ROBO1: variants seen among roughly 807,000 people sequenced by gnomAD.
ROBO1 encodes roundabout homolog 1.
ROBO1 carries 149 observed loss-of-function variants against 195.9 expected under a neutral mutation model. That is an observed-to-expected ratio of 0.76 (90% CI 0.67 to 0.87). The LOEUF (loss-of-function observed/expected upper bound fraction) is 0.87. ROBO1 is among the 40% of genes least tolerant of loss of function. The pLI is 0.00. For missense variants in ROBO1, 1,933 were observed against 2,068.3 expected, an observed-to-expected ratio of 0.93 and a Z score of 1.27; for synonymous variants, 816 against 733.2, an observed-to-expected ratio of 1.11 and a Z score of -1.82.
intron 10 of ROBO1, among the ~76,000 whole-genome samples, chr3:78,679,162 G>C (rs2080821725): frequency 6.6e-6 from 1 of 151,976 alleles, no homozygotes; most frequent in African/African-American, 2.4e-5. Flanking sequence ...ATTAGGTATT[G>C]ATGGGACGTA....
At chr3:79,495,541 A>C (rs1050469512) in intron 2 of ROBO1, among the ~76,000 whole-genome samples, 9 of 152,206 alleles carry the variant, frequency 5.9e-5, no homozygotes, top group Non-Finnish European at 1.3e-4. Flanking sequence ...GGAAAGTCTT[A>C]AACTTTGACA....
chr3:79,199,775 T>A (rs912934665), intron 2 of ROBO1, among the ~76,000 whole-genome samples: 1 of 151,542 alleles, frequency 6.6e-6, no homozygotes, highest in Non-Finnish European at 1.5e-5. Context: ...CGTAGTACAT[T>A]ATTGTCACAA....
At chr3:79,453,496 C>T (rs2039514758) in intron 2 of ROBO1, among the ~76,000 whole-genome samples, 1 of 152,004 alleles carries the variant, frequency 6.6e-6, no homozygotes. Context: ...ATAGCTCTAA[C>T]TTAGGCATTT....
At chr3:78,868,439 G>C (rs2035318051) in intron 4 of ROBO1, among the ~76,000 whole-genome samples, 1 of 151,802 alleles carries the variant, frequency 6.6e-6, no homozygotes, top group African/African-American at 2.4e-5. Flanking sequence ...AATAATAACA[G>C]AAATAAATTT....
At chr3:79,496,399 C>T (rs1159313118) in intron 2 of ROBO1, among the ~76,000 whole-genome samples, 2 of 27,340 alleles carry the variant, frequency 7.3e-5, no homozygotes, top group African/African-American at 3.8e-4. Flanking sequence ...TTTTTTGAGA[C>T]GGAGTCTCGC....
chr3:78,646,632 T>C (rs1218749133), intron 20 of ROBO1, among the ~76,000 whole-genome samples: 5 of 151,156 alleles, frequency 3.3e-5, no homozygotes, highest in Non-Finnish European at 5.9e-5. Flanking sequence ...ACTAGATTAT[T>C]TTCCCGGAAG....
At chr3:79,339,137 A>G (rs1170045462) in intron 2 of ROBO1, among the ~76,000 whole-genome samples, 1 of 152,184 alleles carries the variant, frequency 6.6e-6, no homozygotes, top group Non-Finnish European at 1.5e-5. Context: ...CCCAGATCTG[A>G]GCCACCATCT....
chr3:79,684,346 C>T (rs969340647), intron 1 of ROBO1, among the ~76,000 whole-genome samples: 4 of 151,974 alleles, frequency 2.6e-5, no homozygotes, highest in South Asian at 2.1e-4. Flanking sequence ...ACATAAATAA[C>T]TTTCAGTTAT....
chr3:79,180,196 T>C (rs555340846), intron 2 of ROBO1, among the ~76,000 whole-genome samples: 3 of 152,284 alleles, frequency 2.0e-5, no homozygotes, highest in South Asian at 4.1e-4. Context: ...GCATACAAGG[T>C]CGTTGTATCT....
intron 4 of ROBO1, among the ~76,000 whole-genome samples, chr3:78,804,554 CT>C (rs1015913346): frequency 2.6e-5 from 4 of 151,994 alleles, no homozygotes; most frequent in African/African-American, 9.7e-5. Context: ...ATTAAACTCA[CT>C]GCACCTCTCA....
intron 3 of ROBO1, among the ~76,000 whole-genome samples, chr3:79,090,677 A>G (rs1297738300): frequency 6.6e-6 from 1 of 151,862 alleles, no homozygotes; most frequent in African/African-American, 2.4e-5. Context: ...CTATACCTCT[A>G]TTTTCTTATC....
intron 2 of ROBO1, among the ~76,000 whole-genome samples, chr3:79,488,397 C>T (rs1939272832): frequency 6.6e-6 from 1 of 152,044 alleles, no homozygotes. Context: ...GCTTATTGCT[C>T]AGGCTAACTT....
At chr3:78,958,328 C>T (rs2041150107) in intron 3 of ROBO1, among the ~76,000 whole-genome samples, 1 of 152,072 alleles carries the variant, frequency 6.6e-6, no homozygotes, top group South Asian at 2.1e-4. Flanking sequence ...CCTTAAAGGG[C>T]TTTGAACTAA....
At chr3:78,889,239 T>C (rs1006030702) in intron 4 of ROBO1, among the ~76,000 whole-genome samples, 1 of 152,216 alleles carries the variant, frequency 6.6e-6, no homozygotes, top group African/African-American at 2.4e-5. Flanking sequence ...CCAATATATG[T>C]TCATACATGT....
At chr3:78,891,460 T>C (rs915899752) in intron 4 of ROBO1, among the ~76,000 whole-genome samples, 1 of 152,166 alleles carries the variant, frequency 6.6e-6, no homozygotes, top group Non-Finnish European at 1.5e-5. Context: ...GATGACACCA[T>C]GGATGGCAAA....
chr3:79,054,264 C>T (rs1283200626), intron 3 of ROBO1, among the ~76,000 whole-genome samples: 5 of 152,234 alleles, frequency 3.3e-5, no homozygotes, highest in South Asian at 4.2e-4. Context: ...GGATAAATTA[C>T]GTGCCCCAGG....
chr3:79,723,547 T>A lies in ROBO1; in HGVS notation c.-51+44205A>T, dbSNP rs541294839. 2.0e-5 allele frequency among the ~76,000 whole-genome samples: 3 copies of A among 152,302 alleles called. No individual in the cohort carries two copies. In the South Asian group the frequency reaches 6.2e-4, roughly 32 times the overall value. ...CTCCCTAAAATCATGTTTTCCCAAC[T>A]TAAGAAGATTGGACATATTATGCTT... is the stretch of plus-strand genomic sequence containing the variant. On this transcript the variant is annotated intron_variant, in intron 1 of 30. Transcript: ENST00000464233.
At chr3:79,010,155 A>T (rs2108204578) in intron 3 of ROBO1, among the ~76,000 whole-genome samples, 1 of 152,296 alleles carries the variant, frequency 6.6e-6, no homozygotes, top group Middle Eastern at 3.4e-3. Context: ...AGCATGATGT[A>T]GTTCCCTCCC....
intron 2 of ROBO1, among the ~76,000 whole-genome samples, chr3:79,160,234 A>AATG (rs1553692424): frequency 6.7e-6 from 1 of 148,292 alleles, no homozygotes; most frequent in African/African-American, 2.5e-5. Context: ...CTTTAAAAAA[A>AATG]TGTGTGTGTG....
Sources: allele counts gnomAD v4.1 joint callset (sites outside exome capture counted in the v4.1 genomes callset), GRCh38; gene constraint gnomAD v4.1.1; transcripts MANE v1.5; gene names NCBI Gene and HGNC (gene_info 2026-07-23, HGNC 2026-07-21).